Variants in AKR1D1 observed in about 807,000 individuals in gnomAD.
The protein encoded by AKR1D1 is aldo-keto reductase family 1 member D1, also known as delta(4)-3-ketosteroid 5-beta-reductase.
A neutral mutation model predicts 42.6 loss-of-function variants in AKR1D1; 32 were observed. The ratio of observed to expected loss-of-function variants is 0.75; its 90% CI spans 0.57 to 1.01. The LOEUF (loss-of-function observed/expected upper bound fraction) is 1.01, where lower values mean the gene tolerates loss of function less well. Among genes scored for constraint, AKR1D1 ranks in the 50% least tolerant of loss-of-function variants. AKR1D1 has a pLI of 0.00. For synonymous variants in AKR1D1, 123 were observed against 135.5 expected (o/e 0.91, Z 0.64); for missense variants, 364 against 402.2 (o/e 0.91, Z 0.81).
chr7:138,081,598 C>T lies in AKR1D1; in HGVS notation c.93+4987C>T, dbSNP rs979042497. 2.2e-5 allele frequency among the ~76,000 whole-genome samples: 3 copies of T among 135,772 alleles called. No individual in the cohort carries two copies. In the Admixed American group the frequency reaches 2.5e-4, roughly 11 times the overall value. The allele number at this position is 135,772 out of a possible 152,430, so 89.1% of individuals were successfully genotyped here. The stretch of plus-strand genomic sequence containing the variant: ...TGGAGTGCAATGGCACGATCGATCT[C>T]GGCTCACCAAAACCTCCACCTCCCG... On this transcript the variant is annotated intron_variant, in intron 1 of 8. Transcript: ENST00000242375.
At chr7:138,105,909 A>AT (rs1794416105) in intron 5 of AKR1D1, among the ~76,000 whole-genome samples, 1 of 122,490 alleles carries the variant, frequency 8.2e-6, no homozygotes, top group African/African-American at 3.3e-5. Flanking sequence ...AACAAAAAAA[A>AT]ATCTAATGAA....
intron 4 of AKR1D1, among the ~76,000 whole-genome samples, chr7:138,103,522 A>G (rs1308319183): frequency 6.6e-6 from 1 of 152,106 alleles, no homozygotes; most frequent in Non-Finnish European, 1.5e-5. Context: ...GTTCAAATAT[A>G]TGTATGGTTG....
At chr7:138,095,492 T>C (rs998818883) in intron 3 of AKR1D1, among the ~76,000 whole-genome samples, 4 of 151,996 alleles carry the variant, frequency 2.6e-5, no homozygotes, top group African/African-American at 9.7e-5. Flanking sequence ...AAAGGTGAAA[T>C]GCTAGAGGAA....
chr7:138,081,648 C>A (rs933817091), intron 1 of AKR1D1, among the ~76,000 whole-genome samples: 1 of 151,318 alleles, frequency 6.6e-6, no homozygotes, highest in African/African-American at 2.4e-5. Flanking sequence ...CCTGCCTCAG[C>A]CTCCTGAGTA....
At chr7:138,081,617 C>T (rs1803060169) in intron 1 of AKR1D1, among the ~76,000 whole-genome samples, 1 of 150,010 alleles carries the variant, frequency 6.7e-6, no homozygotes, top group African/African-American at 2.5e-5. Flanking sequence ...AAAACCTCCA[C>T]CTCCCGGGTT....
rs1215468158 is a variant in AKR1D1, at chr7:138,117,886, G to A, written c.*1224G>A. ...TACAAAAAATTAGCCAGGCGCGGTG[G>A]CGGGGGCCTGTAATCCCAGCTACTC... On this transcript the variant is annotated 3_prime_UTR_variant, in exon 9 of 9. Coordinates refer to ENST00000242375, the MANE Select transcript of AKR1D1 (RefSeq NM_005989.4). 1 of 152,242 alleles carries A rather than the reference G, an allele frequency of 6.6e-6. No individual in the cohort carries two copies. Among genetic ancestry groups the A allele is most frequent in the Non-Finnish European group, 1.5e-5 (1 of 68,084 alleles). The allele number at this position is 152,242 out of a possible 1,614,324, so 9.4% of individuals were successfully genotyped here.
chr7:138,103,799 T>C (rs1333473129), intron 4 of AKR1D1, among the ~76,000 whole-genome samples: 1 of 152,136 alleles, frequency 6.6e-6, no homozygotes, highest in African/African-American at 2.4e-5. Flanking sequence ...AGCACATATA[T>C]ATCAAATAAA....
intron 4 of AKR1D1, among the ~76,000 whole-genome samples, chr7:138,104,393 C>A (rs965753690): frequency 1.3e-5 from 2 of 151,668 alleles, no homozygotes; most frequent in Admixed American, 1.3e-4. Context: ...TTCACATATA[C>A]CAGAATGTTT....
At chr7:138,092,140 T>C (rs1480729181) in intron 3 of AKR1D1, among the ~76,000 whole-genome samples, 1 of 152,206 alleles carries the variant, frequency 6.6e-6, no homozygotes. Flanking sequence ...GTCTGACAAA[T>C]ACCCGAGAAG....
chr7:138,110,871 T>C (rs939042905), intron 7 of AKR1D1, among the ~76,000 whole-genome samples: 1 of 152,114 alleles, frequency 6.6e-6, no homozygotes, highest in Non-Finnish European at 1.5e-5. Context: ...AAAAAGAAAT[T>C]ATACCAGGTG....
chr7:138,099,861 G>T (rs1366862117), intron 4 of AKR1D1, among the ~76,000 whole-genome samples: 2 of 93,954 alleles, frequency 2.1e-5, no homozygotes, highest in African/African-American at 4.8e-5. Context: ...AAAAAGGGGG[G>T]TAATAGTTAA....
chr7:138,091,835 A>T lies in AKR1D1; in HGVS notation c.329A>T (p.Gln110Leu). The T allele has an allele frequency of 4.3e-6, 7 of 1,614,150 alleles. No homozygotes were observed. The highest frequency in any genetic ancestry group is 5.9e-6 in the Non-Finnish European group (7 of 1,179,984). Residue 110 changes from glutamine (Q) to leucine (L), a missense_variant, in exon 3 of 9, where the codon CAG becomes CTG. Transcript: ENST00000242375. ...CTGGAGAGGACACTCAGGGTCCTCC[A>T]GCTAGATTATGTGGATCTTTACATC... ...PTLERTLRVL[Q>L]LDYVDLYIIE...
chr7:138,081,506 CTTTTTTTTTTTTTTTTTTTTTTTT>C (rs61466734), intron 1 of AKR1D1, among the ~76,000 whole-genome samples: 1 of 47,620 alleles, frequency 2.1e-5, no homozygotes, highest in Non-Finnish European at 3.7e-5. Flanking sequence ...GAACTCCTAC[CTTTTTTTTTTTTTTTTTTTTTTTT>C]TTTTTTTTTT....
intron 5 of AKR1D1, 66 bp from the exon 6 acceptor site, chr7:138,106,542 A>G: frequency 1.7e-6 from 2 of 1,209,168 alleles, no homozygotes; most frequent in Non-Finnish European, 2.5e-6. Context: ...ATTTTTTTTA[A>G]CAGTACAATT....
intron 3 of AKR1D1, among the ~76,000 whole-genome samples, chr7:138,095,524 T>C (rs1378342211): frequency 6.6e-6 from 1 of 152,020 alleles, no homozygotes; most frequent in Non-Finnish European, 1.5e-5. Context: ...TTTTGTTTTG[T>C]TTTGTTTTGT....
intron 1 of AKR1D1, among the ~76,000 whole-genome samples, chr7:138,080,248 T>G (rs1319290597): frequency 1.3e-5 from 2 of 152,200 alleles, no homozygotes; most frequent in African/African-American, 4.8e-5. Context: ...TTTAAAATTC[T>G]TAATAGAGAC....
At chr7:138,076,910 CGT>C (rs963479692) in intron 1 of AKR1D1, among the ~76,000 whole-genome samples, 5 of 152,046 alleles carry the variant, frequency 3.3e-5, no homozygotes, top group African/African-American at 9.7e-5. Context: ...ACATGAAATT[CGT>C]GTGTTTATGA....
intron 3 of AKR1D1, among the ~76,000 whole-genome samples, chr7:138,096,448 G>A (rs898318777): frequency 2.6e-5 from 4 of 152,052 alleles, no homozygotes; most frequent in African/African-American, 7.2e-5. Flanking sequence ...ACCCCTCCTC[G>A]TCTGAGCCCT....
rs1461433927 is a variant in AKR1D1 at position 138,091,680 on chromosome 7, T to C, written c.262-88T>C. 5.9e-6 allele frequency: 6 copies of C among 1,009,822 alleles called. 1 individual carries two copies. Among genetic ancestry groups the C allele is most frequent in the Non-Finnish European group, 9.2e-6 (6 of 654,768 alleles). 62.6% of individuals were successfully genotyped at this position (1,009,822 alleles called of 1,614,324 possible). On this transcript the variant is annotated intron_variant, in intron 2 of 8. Transcript: ENST00000242375. ...CCCCCCATCTCAAAAAAAAAAAATGTGTACGAGTGTTTTACAAAGAAAAAG... is the reference window on the plus strand; with the variant it reads ...CCCCCCATCTCAAAAAAAAAAAATGCGTACGAGTGTTTTACAAAGAAAAAG...
Sources: allele counts gnomAD v4.1 joint callset (sites outside exome capture counted in the v4.1 genomes callset), GRCh38; gene constraint gnomAD v4.1.1; transcripts MANE v1.5; gene names NCBI Gene and HGNC (gene_info 2026-07-23, HGNC 2026-07-21).